Variants in KCNT2 observed in about 807,000 individuals in gnomAD.
The protein encoded by KCNT2 is potassium sodium-activated channel subfamily T member 2, also known as potassium channel subfamily T member 2.
A neutral mutation model predicts 153.8 loss-of-function variants in KCNT2; 67 were observed. The ratio of observed to expected loss-of-function variants is 0.44; its 90% confidence interval spans 0.36 to 0.53. The LOEUF (loss-of-function observed/expected upper bound fraction) is 0.53. Ranked by LOEUF, KCNT2 falls within the 20% of genes least tolerant of loss-of-function variation. KCNT2 has a pLI of 0.00. For synonymous variants in KCNT2, 500 were observed against 458.8 expected, an observed-to-expected ratio of 1.09 and a Z score of -1.15; for missense variants, 975 against 1,354.8, an observed-to-expected ratio of 0.72 and a Z score of 4.40.
At chr1:196,423,724 GTAAATATTTTCCAAAAAAAAAAAT>G (rs978915587) in intron 11 of KCNT2, among the ~76,000 whole-genome samples, 1 of 78,066 alleles carries the variant, frequency 1.3e-5, no homozygotes, top group Non-Finnish European at 2.9e-5. Flanking sequence ...CTGTGATAAA[GTAAATATTTTCCAAAAAAAAAAAT>G]GGTTTCTATG....
intron 1 of KCNT2, among the ~76,000 whole-genome samples, chr1:196,517,285 C>T (rs1053956798): frequency 2.6e-5 from 4 of 152,138 alleles, no homozygotes; most frequent in African/African-American, 9.7e-5. Flanking sequence ...TCAGAGGGAG[C>T]CCAGCAGTTA....
intron 12 of KCNT2, among the ~76,000 whole-genome samples, chr1:196,410,710 T>TTA (rs1672227123): frequency 6.9e-6 from 1 of 145,334 alleles, no homozygotes; most frequent in Non-Finnish European, 1.5e-5. Flanking sequence ...GCTCAGTGCT[T>TTA]AAAAAAAAAA....
At chr1:196,261,527 A>C (rs1657024957) in intron 25 of KCNT2, among the ~76,000 whole-genome samples, 1 of 151,958 alleles carries the variant, frequency 6.6e-6, no homozygotes, top group South Asian at 2.1e-4. Flanking sequence ...GAAGAAAATA[A>C]TACGAAATAA....
Position 196,253,068 on chromosome 1 carries a change from G to T in KCNT2, c.3211+5126C>A, listed in dbSNP as rs74467392. Among the ~76,000 whole-genome samples, 28 of 151,052 alleles carry T rather than the reference G, an allele frequency of 1.9e-4. No individual in the cohort carries two copies. In the East Asian group the frequency reaches 5.0e-3, roughly 27 times the overall value. ...ATTTTTAAATATTTATATTGCTTGG[G>T]TTTCAATGAGGTTCTTAAATTTTAG... is the stretch of plus-strand genomic sequence containing the variant. On this transcript the variant is annotated intron_variant, in intron 26 of 27. Coordinates refer to ENST00000294725, the MANE Select transcript of KCNT2 (RefSeq NM_198503.5).
At chr1:196,304,386 C>T (rs1041408184) in intron 22 of KCNT2, among the ~76,000 whole-genome samples, 1 of 152,146 alleles carries the variant, frequency 6.6e-6, no homozygotes, top group Non-Finnish European at 1.5e-5. Flanking sequence ...TGGGATCTCA[C>T]TATGCCACCC....
rs182082217 is a variant in KCNT2 at position 196,399,828 on chromosome 1, G to T, written c.1186-1157C>A. Among the ~76,000 whole-genome samples the T allele has an allele frequency of 8.8e-4, 134 of 151,816 alleles. 1 individual carries two copies. Among genetic ancestry groups the T allele is most frequent in the African/African-American group, 3.0e-3 (123 of 41,458 alleles). ...CCATATAAAAGACACCTGAGAGAGA[G>T]CTCCCTCGCTTCTTCAGCCATGTAA... On this transcript the variant is annotated intron_variant, in intron 12 of 27. Transcript: ENST00000294725.
chr1:196,235,823 C>A (rs1345832325), intron 27 of KCNT2, among the ~76,000 whole-genome samples, 163 bp downstream of exon 27: 1 of 151,306 alleles, frequency 6.6e-6, no homozygotes, highest in Non-Finnish European at 1.5e-5. Flanking sequence ...TTTTATATTG[C>A]ACACAACACA....
intron 12 of KCNT2, chr1:196,404,061 T>C (rs1312234797): frequency 2.0e-6 from 1 of 497,110 alleles, no homozygotes; most frequent in East Asian, 1.5e-4. Context: ...ATCTTGCTAC[T>C]GGTAGTCCTC....
chr1:196,454,836 C>A (rs113568254), intron 8 of KCNT2, among the ~76,000 whole-genome samples: 8,671 of 151,968 alleles, frequency 0.057, 390 homozygotes, highest in Non-Finnish European at 0.085. Context: ...GTAGGCTCAG[C>A]CGGTTTCTTC....
intron 22 of KCNT2, among the ~76,000 whole-genome samples, chr1:196,297,155 CAT>C (rs1227047486): frequency 2.0e-5 from 3 of 150,742 alleles, no homozygotes; most frequent in Admixed American, 6.6e-5. Context: ...TGTGTGTGTG[CAT>C]ATGTTTATGA....
chr1:196,584,199 T>C (rs1161141682), intron 1 of KCNT2, among the ~76,000 whole-genome samples: 1 of 5,664 alleles, frequency 1.8e-4, no homozygotes, highest in East Asian at 0.012. Flanking sequence ...ATAAAAAGAA[T>C]AGAAGCTCCC....
At chr1:196,378,593 T>C (rs955427175) in intron 13 of KCNT2, among the ~76,000 whole-genome samples, 3 of 151,402 alleles carry the variant, frequency 2.0e-5, no homozygotes, top group South Asian at 2.1e-4. Context: ...AAATGAATAC[T>C]GGGGGAGAGA....
intron 13 of KCNT2, among the ~76,000 whole-genome samples, chr1:196,397,285 T>G (rs187745559): frequency 9.6e-4 from 146 of 151,646 alleles, no homozygotes; most frequent in Admixed American, 9.4e-3. Context: ...ATTTCTTTTC[T>G]TAAATAATAA....
At chr1:196,505,855 G>A (rs1245955618) in intron 1 of KCNT2, among the ~76,000 whole-genome samples, 1 of 152,102 alleles carries the variant, frequency 6.6e-6, no homozygotes, top group Non-Finnish European at 1.5e-5. Flanking sequence ...AATTGTGAAT[G>A]GGAGTTCACT....
intron 16 of KCNT2, among the ~76,000 whole-genome samples, chr1:196,339,001 G>A (rs1042309692): frequency 7.1e-6 from 1 of 141,180 alleles, no homozygotes; most frequent in African/African-American, 2.6e-5. Context: ...GGTGTTGAAT[G>A]ACTGAATGAG....
chr1:196,521,427 C>T (rs145405044), intron 1 of KCNT2, among the ~76,000 whole-genome samples: 13 of 152,236 alleles, frequency 8.5e-5, no homozygotes, highest in African/African-American at 3.1e-4. Context: ...CACCATTTGA[C>T]CCAACAATCC....
At chr1:196,471,150 G>A (rs1405411299) in intron 5 of KCNT2, among the ~76,000 whole-genome samples, 1 of 151,156 alleles carries the variant, frequency 6.6e-6, no homozygotes, top group Admixed American at 6.6e-5. Flanking sequence ...CTCGTGATCC[G>A]CCCGCCTCGG....
At chr1:196,389,549 G>C (rs1670291167) in intron 13 of KCNT2, among the ~76,000 whole-genome samples, 1 of 151,630 alleles carries the variant, frequency 6.6e-6, no homozygotes, top group African/African-American at 2.4e-5. Flanking sequence ...GAATTAGTTT[G>C]ATACCTTGAA....
chr1:196,276,118 A>G (rs1476399680), intron 25 of KCNT2, among the ~76,000 whole-genome samples: 1 of 151,796 alleles, frequency 6.6e-6, no homozygotes, highest in Non-Finnish European at 1.5e-5. Flanking sequence ...TTATCTATTG[A>G]CTTCTCACTC....
Sources: gnomAD v4.1 joint callset for allele counts (sites outside exome capture counted in the v4.1 genomes callset) on GRCh38, gnomAD v4.1.1 for gene constraint, MANE v1.5 for transcripts, NCBI Gene and HGNC (gene_info 2026-07-23, HGNC 2026-07-21) for gene names.